The following TENM3 variants were observed in gnomAD, a reference collection of about 807,000 sequenced individuals.
TENM3 encodes the protein teneurin transmembrane protein 3.
TENM3 carries 63 observed loss-of-function variants against 255.1 expected under a neutral mutation model. The ratio of observed to expected loss-of-function variants is 0.25; its 90% CI spans 0.20 to 0.30. The LOEUF (loss-of-function observed/expected upper bound fraction) is 0.30. Among genes scored for constraint, TENM3 ranks in the 10% least tolerant of loss-of-function variants. The pLI, the probability that TENM3 is intolerant of heterozygous loss-of-function variation, is 1.00. For missense variants in TENM3, 2,929 were observed against 3,461.1 expected (o/e 0.85, Z 3.86); for synonymous variants, 1,306 against 1,322.3 (o/e 0.99, Z 0.27).
intron 12 of TENM3, among the ~76,000 whole-genome samples, chr4:182,706,484 C>T (rs1758291464): frequency 6.6e-6 from 1 of 152,078 alleles, no homozygotes; most frequent in African/African-American, 2.4e-5. Flanking sequence ...GGGTGAAGGA[C>T]AGGGGAAGGA....
the TENM3 span, among the ~76,000 whole-genome samples, chr4:182,126,944 A>G: frequency 1.3e-5 from 2 of 152,194 alleles, no homozygotes; most frequent in Non-Finnish European, 2.9e-5. Flanking sequence ...ATAGCCACAA[A>G]TCACCAATCT....
chr4:181,467,959 G>T, the TENM3 span, among the ~76,000 whole-genome samples: 1 of 151,958 alleles, frequency 6.6e-6, no homozygotes, highest in Non-Finnish European at 1.5e-5. Context: ...CACTACTTGG[G>T]TCAGTTTCAA....
chr4:181,599,928 T>C, the TENM3 span, among the ~76,000 whole-genome samples: 3 of 152,198 alleles, frequency 2.0e-5, no homozygotes, highest in Admixed American at 6.5e-5. Flanking sequence ...AACTTACATT[T>C]ACCGGTGAGT....
At chr4:182,408,563 A>T (rs1769747074) in intron 3 of TENM3, among the ~76,000 whole-genome samples, 1 of 152,206 alleles carries the variant, frequency 6.6e-6, no homozygotes, top group Admixed American at 6.5e-5. Flanking sequence ...TAAAGGTGGG[A>T]TTGCAAGGAA....
intron 1 of TENM3, among the ~76,000 whole-genome samples, chr4:182,285,061 T>C (rs914293310): frequency 6.6e-6 from 1 of 152,138 alleles, no homozygotes; most frequent in Non-Finnish European, 1.5e-5. Context: ...GATTTGCTGT[T>C]TCAGCAGGTG....
At chr4:182,388,894 A>G (rs535208263) in intron 3 of TENM3, among the ~76,000 whole-genome samples, 1 of 152,334 alleles carries the variant, frequency 6.6e-6, no homozygotes, top group South Asian at 2.1e-4. Flanking sequence ...GATAGCCAGC[A>G]CCAAGACAGA....
chr4:181,630,284 A>T, the TENM3 span, among the ~76,000 whole-genome samples: 4 of 151,918 alleles, frequency 2.6e-5, no homozygotes, highest in Non-Finnish European at 4.4e-5. Flanking sequence ...TTTTCAAAAA[A>T]CCAGCTCCTG....
chr4:181,780,560 C>T, the TENM3 span, among the ~76,000 whole-genome samples: 1 of 152,122 alleles, frequency 6.6e-6, no homozygotes, highest in Admixed American at 6.5e-5. Flanking sequence ...GAGTAGATCG[C>T]AAAAATTTTC....
At chr4:182,565,652 C>T (rs1217862807) in intron 3 of TENM3, among the ~76,000 whole-genome samples, 1 of 151,936 alleles carries the variant, frequency 6.6e-6, no homozygotes, top group Non-Finnish European at 1.5e-5. Flanking sequence ...TTTATAGTAC[C>T]CTTTTAAGTA....
rs557394658 is a variant in TENM3, at chr4:182,364,661, C to T, written c.511+17732C>T. The stretch of plus-strand genomic sequence containing the variant: ...GTCTCAACCTCCTGACCTCGTGATC[C>T]GCTCGTCTCGGCCTCCCATAGTGCT... On this transcript the variant is annotated intron_variant, in intron 3 of 27. Coordinates refer to ENST00000511685, the MANE Select transcript of TENM3 (RefSeq NM_001080477.4). Among the ~76,000 whole-genome samples the T allele has an allele frequency of 6.6e-5, 10 of 152,260 alleles. No individual in the cohort carries two copies. In the East Asian group the frequency reaches 7.7e-4, roughly 12 times the overall value.
the TENM3 span, among the ~76,000 whole-genome samples, chr4:182,034,491 T>C: frequency 6.6e-6 from 1 of 152,228 alleles, no homozygotes; most frequent in Non-Finnish European, 1.5e-5. Context: ...CACTGGTCTG[T>C]GTACTTCAGT....
intron 1 of TENM3, among the ~76,000 whole-genome samples, chr4:182,188,208 GCT>G (rs1410884191): frequency 6.6e-6 from 1 of 152,084 alleles, no homozygotes; most frequent in African/African-American, 2.4e-5. Context: ...TAAAATGAGT[GCT>G]TTTGAGAGTC....
chr4:182,059,750 AAAAAAAAAAAAAG>A, the TENM3 span, among the ~76,000 whole-genome samples: 52 of 132,680 alleles, frequency 3.9e-4, no homozygotes, highest in African/African-American at 1.9e-3. Context: ...CTCTACAAAA[AAAAAAAAAAAAAG>A]AAAAAAAAAA....
At chr4:182,003,917 T>TA in the TENM3 span, among the ~76,000 whole-genome samples, 637 of 148,182 alleles carry the variant, frequency 4.3e-3, 2 homozygotes, top group South Asian at 7.7e-3. Flanking sequence ...TCATGAATGC[T>TA]AAAAAAAAAA....
chr4:181,621,524 C>G, the TENM3 span, among the ~76,000 whole-genome samples: 3 of 152,134 alleles, frequency 2.0e-5, no homozygotes, highest in African/African-American at 4.8e-5. Flanking sequence ...TAGATCTCTG[C>G]CATCGTAAGC....
At chr4:181,755,974 A>G in the TENM3 span, among the ~76,000 whole-genome samples, 1 of 152,096 alleles carries the variant, frequency 6.6e-6, no homozygotes, top group Non-Finnish European at 1.5e-5. Flanking sequence ...CATTGATAGC[A>G]GTTGAGGGCA....
the TENM3 span, among the ~76,000 whole-genome samples, chr4:181,569,227 T>G: frequency 2.0e-5 from 3 of 152,128 alleles, no homozygotes; most frequent in African/African-American, 7.2e-5. Flanking sequence ...TCTTTCTTAT[T>G]GTGTCTGGTC....
chr4:182,289,101 A>G (rs1760938032), intron 1 of TENM3, among the ~76,000 whole-genome samples: 1 of 152,136 alleles, frequency 6.6e-6, no homozygotes, highest in Non-Finnish European at 1.5e-5. Context: ...ATGGTGGTGC[A>G]CACCTGTAGT....
Position 182,661,571 on chromosome 4 carries a change from C to A in TENM3, c.1111+7678C>A, listed in dbSNP as rs367602466. Among the ~76,000 whole-genome samples, 30 of 152,232 alleles carry A rather than the reference C, an allele frequency of 2.0e-4. No individual in the cohort carries two copies. The East Asian group carries it at 4.4e-3, about 23-fold the overall frequency. On this transcript the variant is annotated intron_variant, in intron 6 of 27. Coordinates refer to ENST00000511685, the MANE Select transcript of TENM3 (RefSeq NM_001080477.4). ...GATTTTGTCCATTAAGCTATGTTTG[C>A]AAAGTAGTTATGTCTTATTTCACTT...
Sources: gnomAD v4.1 joint callset for allele counts (sites outside exome capture counted in the v4.1 genomes callset) on GRCh38, gnomAD v4.1.1 for gene constraint, MANE v1.5 for transcripts, NCBI Gene and HGNC (gene_info 2026-07-23, HGNC 2026-07-21) for gene names.